RB1: variants seen among roughly 807,000 people sequenced by gnomAD.
RB1 encodes the protein retinoblastoma-associated protein.
Under a neutral mutation model 135.4 loss-of-function variants are expected in RB1, and 18 were observed. The observed-to-expected ratio is 0.13, with a 90% CI of 0.09 to 0.20. The LOEUF (loss-of-function observed/expected upper bound fraction) is 0.20, where lower values mean the gene tolerates loss of function less well. RB1 is among the 10% of genes least tolerant of loss of function. The probability of loss-of-function intolerance (pLI) is 1.00; values close to 1 mark genes in which losing one functional copy is unlikely to be tolerated. For synonymous variants in RB1, 365 were observed against 373.2 expected (o/e 0.98, Z 0.25); for missense variants, 868 against 1,110.0 (o/e 0.78, Z 3.10).
intron 17 of RB1, chr13:48,411,283 T>G: frequency 1.1e-6 from 1 of 889,810 alleles, no homozygotes; most frequent in Admixed American, 1.8e-5. Flanking sequence ...AAAATGTCCA[T>G]GTGTTAATTT....
At chr13:48,430,570 T>C (rs763978617) in intron 17 of RB1, among the ~76,000 whole-genome samples, 7 of 151,948 alleles carry the variant, frequency 4.6e-5, no homozygotes, top group Non-Finnish European at 8.8e-5. Context: ...TGAAACCCCG[T>C]CTCTACTAAA....
chr13:48,354,142 GTTATCC>G (rs1952571475), intron 6 of RB1, among the ~76,000 whole-genome samples: 1 of 152,006 alleles, frequency 6.6e-6, no homozygotes, highest in African/African-American at 2.4e-5. Context: ...AAGAAGTCAA[GTTATCC>G]TTGTTTGCAG....
intron 3 of RB1, among the ~76,000 whole-genome samples, chr13:48,344,829 G>T (rs563582583): frequency 7.9e-5 from 12 of 152,186 alleles, no homozygotes; most frequent in Admixed American, 2.0e-4. Context: ...ATAAATATAC[G>T]CATATCTCTT....
chr13:48,420,720 A>G (rs1212933326), intron 17 of RB1, among the ~76,000 whole-genome samples: 1 of 152,224 alleles, frequency 6.6e-6, no homozygotes, highest in East Asian at 1.9e-4. Context: ...TGCAGAAATC[A>G]CAAGTATTCC....
intron 17 of RB1, among the ~76,000 whole-genome samples, chr13:48,435,482 T>C (rs553957266): frequency 6.6e-6 from 1 of 152,302 alleles, no homozygotes; most frequent in Non-Finnish European, 1.5e-5. Flanking sequence ...TTTTGTTAGA[T>C]ATGTGGTTAG....
At chr13:48,383,390 G>C (rs1948551509) in intron 17 of RB1, among the ~76,000 whole-genome samples, 1 of 152,036 alleles carries the variant, frequency 6.6e-6, no homozygotes, top group African/African-American at 2.4e-5. Flanking sequence ...ATAATACTTT[G>C]TGAATCATCA....
intron 17 of RB1, among the ~76,000 whole-genome samples, chr13:48,442,861 A>G (rs1184944375): frequency 6.6e-6 from 1 of 152,180 alleles, no homozygotes. Context: ...TACATATTGC[A>G]CTTTTCAAAA....
At chr13:48,363,363 C>T (rs1392491737) in intron 8 of RB1, among the ~76,000 whole-genome samples, 1 of 151,958 alleles carries the variant, frequency 6.6e-6, no homozygotes, top group Non-Finnish European at 1.5e-5. Context: ...CCAGCCTGAA[C>T]AACATAGCGA....
chr13:48,363,534 G>C (rs1265944833), intron 8 of RB1, among the ~76,000 whole-genome samples: 1 of 152,128 alleles, frequency 6.6e-6, no homozygotes, highest in African/African-American at 2.4e-5. Flanking sequence ...TCCAGCCCGG[G>C]CGCCAGAGTG....
intron 2 of RB1, among the ~76,000 whole-genome samples, chr13:48,311,544 T>C (rs1183318189): frequency 2.0e-5 from 3 of 152,146 alleles, no homozygotes; most frequent in African/African-American, 4.8e-5. Context: ...TGTAACACAA[T>C]GGTAAGTATT....
At chr13:48,419,194 C>T (rs139625576) in intron 17 of RB1, among the ~76,000 whole-genome samples, 67 of 152,308 alleles carry the variant, frequency 4.4e-4, no homozygotes, top group African/African-American at 1.4e-3. Flanking sequence ...GTCTCTGAGA[C>T]CTCAGTGCAA....
intron 2 of RB1, chr13:48,318,840 C>T: frequency 1.0e-6 from 1 of 993,326 alleles, no homozygotes; most frequent in East Asian, 2.5e-5. Flanking sequence ...GGCCAGCAAA[C>T]TCCCCGACTA....
intron 9 of RB1, among the ~76,000 whole-genome samples, chr13:48,365,915 A>G (rs1394030491): frequency 6.6e-6 from 1 of 152,196 alleles, no homozygotes; most frequent in African/African-American, 2.4e-5. Context: ...CTCAAAGGAG[A>G]GCTACCTAAT....
At chr13:48,455,483 A>G (rs1949354246) in intron 18 of RB1, among the ~76,000 whole-genome samples, 1 of 152,134 alleles carries the variant, frequency 6.6e-6, no homozygotes, top group African/African-American at 2.4e-5. Context: ...TTCTTAGTGT[A>G]CTGGTTAATA....
At position 48,367,591 on chromosome 13, in the gene RB1, A is replaced by G. The variant is rs1566194403; in HGVS notation, c.1037A>G (p.Asp346Gly). 2 of 1,604,180 alleles carry G rather than the reference A, an allele frequency of 1.2e-6. No individual in the cohort carries two copies. Among genetic ancestry groups the G allele is most frequent in the Non-Finnish European group, 1.7e-6 (2 of 1,173,874 alleles). ...GATCATGATAAAACTCTTCAGACTG[A>G]TTCTATAGACAGGTATTGCACATGG... ...FLDHDKTLQT[D>G]SIDSFETQRT... The change falls in exon 10 of 27, where the codon GAT becomes GGT. Residue 346 changes from aspartate (D) to glycine (G), a missense_variant. Around this residue, in one of 3 missense-constraint regions of RB1, gnomAD observed 641 missense variants for 791.3 expected, o/e 0.81. Transcript: ENST00000267163.
rs1952216106 is a variant in RB1, at chr13:48,319,501, C to G, written c.264+12095C>G. ...TTGACCCCGCTTTTATTCTGTGGTG[C>G]TTCTGAAGGGCTGCAGGGGGCTGCT... is the stretch of plus-strand genomic sequence containing the variant. On this transcript the variant is annotated intron_variant, in intron 2 of 26. Coordinates refer to ENST00000267163, the MANE Select transcript of RB1 (RefSeq NM_000321.3). The surrounding 1 kb of genome is among the most constrained non-coding windows in gnomAD (Gnocchi z 5.0). The G allele has an allele frequency of 3.5e-6, 1 of 287,598 alleles. No homozygotes were observed. The highest frequency in any genetic ancestry group is 2.3e-5 in the African/African-American group (1 of 44,168). 17.8% of individuals were successfully genotyped at this position (287,598 alleles called of 1,614,324 possible). A position where few individuals can be genotyped will look rare whatever the true frequency, so the allele number is the denominator to read the frequency against.
chr13:48,380,146 C>A lies in RB1; in HGVS notation c.1422-19C>A. On this transcript the variant is annotated intron_variant, in intron 15 of 26. Transcript: ENST00000267163. ...TTTATAGAAGTAAGTATTTTATAAT[C>A]TTTTTTTTTTTCCTTTAGCAAACTT... The A allele has an allele frequency of 8.7e-7, 1 of 1,149,940 alleles. No individual in the cohort carries two copies. The highest frequency in any genetic ancestry group is 1.7e-5 in the South Asian group (1 of 59,222). The allele number at this position is 1,149,940 out of a possible 1,614,324, so 71.2% of individuals were successfully genotyped here. A position where few individuals can be genotyped will look rare whatever the true frequency, so the allele number is the denominator to read the frequency against.
chr13:48,395,544 C>A (rs1025747375), intron 17 of RB1, among the ~76,000 whole-genome samples: 7 of 151,450 alleles, frequency 4.6e-5, no homozygotes, highest in African/African-American at 1.7e-4. Context: ...AATGACCTGA[C>A]GGAACTGAAA....
In RB1 at chr13:48,476,850, A is replaced by G; in HGVS notation, c.2663+7A>G. Reference sequence around the variant, plus strand: ...CAGATGAAGCAGATGGAAGGTAGGAACCAGTTTTGAATGTTTTCCAGTAGC... The same window carrying G: ...CAGATGAAGCAGATGGAAGGTAGGAGCCAGTTTTGAATGTTTTCCAGTAGC... On this transcript the variant is annotated splice_region_variant and intron_variant, in intron 25 of 26. Coordinates refer to ENST00000267163, the MANE Select transcript of RB1 (RefSeq NM_000321.3). 2 of 1,613,302 alleles carry G rather than the reference A, an allele frequency of 1.2e-6. No individual in the cohort carries two copies. Among genetic ancestry groups the G allele is most frequent in the Non-Finnish European group, 1.7e-6 (2 of 1,179,412 alleles).
Sources: gnomAD v4.1 joint callset for allele counts (sites outside exome capture counted in the v4.1 genomes callset) on GRCh38, gnomAD v4.1.1 for gene constraint, gnomAD v4.1.1 regional missense constraint, Gnocchi (gnomAD v3.1) non-coding constraint, MANE v1.5 for transcripts, NCBI Gene and HGNC (gene_info 2026-07-23, HGNC 2026-07-21) for gene names.